The following WDR31 variants were observed in gnomAD, a reference collection of about 807,000 sequenced individuals.
WDR31 encodes the protein WD repeat-containing protein 31.
A neutral mutation model predicts 47.3 loss-of-function variants in WDR31; 30 were observed. The ratio of observed to expected loss-of-function variants is 0.63; its 90% CI spans 0.47 to 0.86. The LOEUF is 0.86. WDR31 is among the 40% of genes least tolerant of loss of function. WDR31 has a pLI of 0.00. For missense variants in WDR31, 406 were observed against 442.9 expected (o/e 0.92, Z 0.75); for synonymous variants, 137 against 159.4 (o/e 0.86, Z 1.06).
In WDR31 at chr9:113,329,034, C is replaced by T. The variant is rs1420055081; in HGVS notation, c.250-79G>A. 3 of 1,298,066 alleles carry T rather than the reference C, an allele frequency of 2.3e-6. No individual in the cohort carries two copies. The South Asian group carries it at 3.6e-5, about 15-fold the overall frequency. 80.4% of individuals were successfully genotyped at this position (1,298,066 alleles called of 1,614,324 possible). ...TAGCCTCTACTGCATTCTCACCTTA[C>T]TTTCTCCCTCCTCACTCACTCCCTC... On this transcript the variant is annotated intron_variant, in intron 4 of 10. Coordinates refer to ENST00000374193, the MANE Select transcript of WDR31 (RefSeq NM_001012361.4).
At chr9:113,317,833 C>A (rs1232169548) in intron 10 of WDR31, among the ~76,000 whole-genome samples, 1 of 152,224 alleles carries the variant, frequency 6.6e-6, no homozygotes, top group Non-Finnish European at 1.5e-5. Flanking sequence ...ACACCACCAC[C>A]ACCGATTCAT....
At position 113,322,115 on chromosome 9, in the gene WDR31, A is replaced by G. The variant is rs537706052; in HGVS notation, c.571-537T>C. Among the ~76,000 whole-genome samples, 7 of 151,706 alleles carry G rather than the reference A, an allele frequency of 4.6e-5. No individual in the cohort carries two copies. The South Asian group carries it at 1.5e-3, about 32-fold the overall frequency. ...AAAAGATGACTGGGACTGAAATTTG[A>G]CAACCACTAAAAGAACATCTAGTAT... On this transcript the variant is annotated intron_variant, in intron 7 of 10. Transcript: ENST00000374193.
intron 5 of WDR31, among the ~76,000 whole-genome samples, chr9:113,326,367 CCTTT>C (rs746974302): frequency 1.1e-3 from 160 of 151,860 alleles, no homozygotes; most frequent in South Asian, 1.7e-3. Flanking sequence ...CCTTTCCTTT[CCTTT>C]CTTTCTTTCT....
chr9:113,315,015 T>C lies in WDR31; in HGVS notation c.*1734A>G, dbSNP rs1176719451. The stretch of plus-strand genomic sequence containing the variant: ...TTATAAAGTGAAGAGGAAACAGATT[T>C]TATAACTTGCCCAAGATCATCCAGC... On this transcript the variant is annotated 3_prime_UTR_variant, in exon 11 of 11. Transcript: ENST00000374193. The C allele has an allele frequency of 6.6e-6, 1 of 152,156 alleles. No homozygotes were observed. The highest frequency in any genetic ancestry group is 2.4e-5 in the African/African-American group (1 of 41,422). The allele number at this position is 152,156 out of a possible 1,614,324, so 9.4% of individuals were successfully genotyped here. A position where few individuals can be genotyped will look rare whatever the true frequency, so the allele number is the denominator to read the frequency against.
chr9:113,331,119 A>G lies in WDR31; in HGVS notation c.117-3T>C. On this transcript the variant is annotated splice_polypyrimidine_tract_variant and splice_region_variant and intron_variant, in intron 3 of 10. Coordinates refer to ENST00000374193, the MANE Select transcript of WDR31 (RefSeq NM_001012361.4). ...CTTCTATAATTTCATCAGGCCTGCT[A>G]AAAAGAGTATAGAAAATGAGAGACC... is the stretch of plus-strand genomic sequence containing the variant. The G allele has an allele frequency of 6.4e-7, 1 of 1,572,556 alleles. No homozygotes were observed. The highest frequency in any genetic ancestry group is 8.7e-7 in the Non-Finnish European group (1 of 1,152,894).
rs1309767538 is a variant in WDR31, at chr9:113,314,104, G to A, written c.*2645C>T. The A allele has an allele frequency of 7.6e-6, 1 of 131,572 alleles. No homozygotes were observed. The highest frequency in any genetic ancestry group is 1.6e-5 in the Non-Finnish European group (1 of 64,434). The allele number at this position is 131,572 out of a possible 1,614,324, so 8.2% of individuals were successfully genotyped here. A position where few individuals can be genotyped will look rare whatever the true frequency, so the allele number is the denominator to read the frequency against. On this transcript the variant is annotated 3_prime_UTR_variant, in exon 11 of 11. Coordinates refer to ENST00000374193, the MANE Select transcript of WDR31 (RefSeq NM_001012361.4). The stretch of plus-strand genomic sequence containing the variant: ...CAACCCGGGAGGCGGAGCTTGCAGC[G>A]AGCCGAGATTGCACCACTGCACTCC...
Position 113,332,051 on chromosome 9 carries a change from CTGT to C in WDR31, c.-28-4_-28-2del. 1 of 1,589,606 alleles carries C rather than the reference CTGT, an allele frequency of 6.3e-7. No homozygotes were observed. The highest frequency in any genetic ancestry group is 8.6e-7 in the Non-Finnish European group (1 of 1,158,570). On this transcript the variant is annotated splice_acceptor_variant and splice_polypyrimidine_tract_variant and intron_variant, in intron 2 of 10. Coordinates refer to ENST00000374193, the MANE Select transcript of WDR31 (RefSeq NM_001012361.4). LOFTEE classifies it low-confidence loss of function (5UTR_SPLICE). ...TTGTGGCTGCTGGAAGTTGTGTTCC[CTGT>C]TTAATAAAAAGAAGAATACATGTTG...
rs762774293 is a variant in WDR31 at position 113,331,059 on chromosome 9, G to A, written c.174C>T (p.Ser58=). 6.2e-7 allele frequency: 1 copy of A among 1,609,690 alleles called. No individual in the cohort carries two copies. The highest frequency in any genetic ancestry group is 8.5e-7 in the Non-Finnish European group (1 of 1,177,412). The change falls in exon 4 of 11, where the codon AGC becomes AGT. Residue 58 remains serine, a synonymous_variant. Transcript: ENST00000374193. Reference sequence around the variant, plus strand: ...CAGAGACGGTATCCATGTGAGCTGGGCTATACTCTTGAAAAGCTTTAGTTT... The same window carrying A: ...CAGAGACGGTATCCATGTGAGCTGGACTATACTCTTGAAAAGCTTTAGTTT... The part of the protein sequence containing the change: ...RIQTKAFQEY[S]PAHMDTVSVV...
At chr9:113,333,948 CTCCTTCT>C (rs1833658087) in intron 2 of WDR31, among the ~76,000 whole-genome samples, 1 of 151,670 alleles carries the variant, frequency 6.6e-6, no homozygotes, top group African/African-American at 2.4e-5. Context: ...CTTTTCTCTC[CTCCTTCT>C]TCCTTCTTCC....
Position 113,313,991 on chromosome 9 carries a change from C to G in WDR31, c.*2758G>C, listed in dbSNP as rs1172882326. 6.6e-6 allele frequency: 1 copy of G among 151,748 alleles called. No homozygotes were observed. 9.4% of individuals were successfully genotyped at this position (151,748 alleles called of 1,614,324 possible). On this transcript the variant is annotated 3_prime_UTR_variant, in exon 11 of 11. Coordinates refer to ENST00000374193, the MANE Select transcript of WDR31 (RefSeq NM_001012361.4). ...TGGCTAACACGGTGAAATCCCGTCTCTACTAAAAACACAAAAAAATTAGCC... is the reference window on the plus strand; with the variant it reads ...TGGCTAACACGGTGAAATCCCGTCTGTACTAAAAACACAAAAAAATTAGCC...
Position 113,331,972 on chromosome 9 carries a change from C to G in WDR31, c.51G>C (p.Ser17=), listed in dbSNP as rs577762065. The change falls in exon 3 of 11, where the codon TCG becomes TCC. Residue 17 remains serine, a synonymous_variant. Transcript: ENST00000374193. The stretch of plus-strand genomic sequence containing the variant: ...TCCCCATCACGACACAAAACCTAAA[C>G]GAAACCTTCTGTGGAGGAGCTTGTT... ...QLKQAPPQKV[S]FRFCVVMGKQ... 1.2e-6 allele frequency: 2 copies of G among 1,614,028 alleles called. No homozygotes were observed. Among genetic ancestry groups the G allele is most frequent in the East Asian group, 2.2e-5 (1 of 44,886 alleles).
Position 113,328,894 on chromosome 9 carries a change from T to C in WDR31, c.311A>G (p.His104Arg), listed in dbSNP as rs754019388. 1 of 1,613,796 alleles carries C rather than the reference T, an allele frequency of 6.2e-7. No homozygotes were observed. The highest frequency in any genetic ancestry group is 1.3e-5 in the African/African-American group (1 of 74,946). Residue 104 changes from histidine to arginine, a missense_variant, in exon 5 of 11, where the codon CAT becomes CGT. His to Arg is a conservative substitution (Grantham distance 29). Coordinates refer to ENST00000374193, the MANE Select transcript of WDR31 (RefSeq NM_001012361.4). ...TTTGAAAATTACCTTGGTGATCTCATGTTCATGTCCTTTGAACCTTTTCAC... is the reference window on the plus strand; with the variant it reads ...TTTGAAAATTACCTTGGTGATCTCACGTTCATGTCCTTTGAACCTTTTCAC... ...NVVKRFKGHE[H>R]EITKVACIPK...
At chr9:113,335,460 T>G (rs1017389437) in intron 2 of WDR31, among the ~76,000 whole-genome samples, 33 of 152,166 alleles carry the variant, frequency 2.2e-4, no homozygotes, top group African/African-American at 8.0e-4. Context: ...GCCTAAAAGT[T>G]CTAGGAAATA....
At chr9:113,319,082 T>C (rs1564295953) in intron 9 of WDR31, among the ~76,000 whole-genome samples, 1 of 152,058 alleles carries the variant, frequency 6.6e-6, no homozygotes, top group Admixed American at 6.5e-5. Flanking sequence ...AAGTACCCCA[T>C]AGATATAAGT....
At chr9:113,333,025 C>T (rs1026357159) in intron 2 of WDR31, among the ~76,000 whole-genome samples, 3 of 152,208 alleles carry the variant, frequency 2.0e-5, no homozygotes, top group Non-Finnish European at 4.4e-5. Flanking sequence ...CTGCGTCACA[C>T]TTTTCATACA....
chr9:113,326,042 G>A (rs1414636690), intron 5 of WDR31, among the ~76,000 whole-genome samples: 1 of 152,158 alleles, frequency 6.6e-6, no homozygotes, highest in Non-Finnish European at 1.5e-5. Flanking sequence ...CTCTCGAGTA[G>A]CTGGGTTTAC....
At chr9:113,334,455 T>C (rs1217764172) in intron 2 of WDR31, among the ~76,000 whole-genome samples, 1 of 152,166 alleles carries the variant, frequency 6.6e-6, no homozygotes, top group Non-Finnish European at 1.5e-5. Flanking sequence ...TTTATGTTAA[T>C]ATGCAATAGG....
chr9:113,338,231 T>C (rs1243805520), intron 1 of WDR31, among the ~76,000 whole-genome samples: 1 of 152,192 alleles, frequency 6.6e-6, no homozygotes, highest in Non-Finnish European at 1.5e-5. Context: ...AGAGAACACA[T>C]ACAAACGGAT....
chr9:113,320,496 A>T lies in WDR31; in HGVS notation c.641T>A (p.Leu214Ter), dbSNP rs1190397313. ...TACCTGCAGCCCCCGACTGTCCCAT[A>T]ATCTGAAAGAGATTAGGGCAGGAAA... is the stretch of plus-strand genomic sequence containing the variant. Reference protein sequence around the residue: ...LQTSEDKTLRLWDSRGLQVAH... With the variant: ...LQTSEDKTLR Residue 214 changes from leucine (L) to a stop codon, truncating the protein, a stop_gained and splice_region_variant, in exon 9 of 11, where the codon TTA (leucine) becomes TAA (stop). Transcript: ENST00000374193. LOFTEE classifies it high-confidence loss of function. 6.2e-7 allele frequency: 1 copy of T among 1,613,272 alleles called. No individual in the cohort carries two copies. Among genetic ancestry groups the T allele is most frequent in the African/African-American group, 1.3e-5 (1 of 74,914 alleles).
Sources: gnomAD v4.1 joint callset for allele counts (sites outside exome capture counted in the v4.1 genomes callset) on GRCh38, gnomAD v4.1.1 for gene constraint, MANE v1.5 for transcripts, NCBI Gene and HGNC (gene_info 2026-07-23, HGNC 2026-07-21) for gene names.